The following USP15 variants were observed in gnomAD, a reference collection of about 807,000 sequenced individuals.
USP15 encodes the protein ubiquitin carboxyl-terminal hydrolase 15.
Under a neutral mutation model 127.1 loss-of-function variants are expected in USP15, and 18 were observed. The observed-to-expected ratio is 0.14, with a 90% CI of 0.10 to 0.21. USP15 has a LOEUF of 0.21. Ranked by LOEUF, USP15 falls within the 10% of genes least tolerant of loss-of-function variation. The pLI is 1.00. For synonymous variants in USP15, 364 were observed against 393.7 expected (o/e 0.92, Z 0.89); for missense variants, 805 against 1,159.9 (o/e 0.69, Z 4.44).
intron 8 of USP15, among the ~76,000 whole-genome samples, chr12:62,366,903 C>T (rs531651745): frequency 1.3e-5 from 2 of 152,306 alleles, no homozygotes; most frequent in Non-Finnish European, 2.9e-5. Context: ...ATGAAGCCGA[C>T]TTAATCATGG....
At chr12:62,273,141 C>A (rs556604222) in intron 1 of USP15, among the ~76,000 whole-genome samples, 1 of 145,510 alleles carries the variant, frequency 6.9e-6, no homozygotes, top group African/African-American at 2.8e-5. Flanking sequence ...TCCCAAAGTC[C>A]TTCTGGCCTT....
At chr12:62,314,107 G>C in intron 3 of USP15, 4 of 675,644 alleles carry the variant, frequency 5.9e-6, no homozygotes, top group Non-Finnish European at 7.3e-6. Context: ...TTTATGGCTT[G>C]CATGCTTAAC....
chr12:62,288,482 G>A (rs984080170), intron 1 of USP15, among the ~76,000 whole-genome samples: 2 of 151,244 alleles, frequency 1.3e-5, no homozygotes, highest in Non-Finnish European at 2.9e-5. Context: ...TACTGAGTTC[G>A]TTTCTCAAAG....
intron 6 of USP15, among the ~76,000 whole-genome samples, chr12:62,341,196 C>G (rs940552428): frequency 3.6e-5 from 5 of 137,756 alleles, no homozygotes; most frequent in Non-Finnish European, 7.9e-5. Flanking sequence ...AGTATTTCAA[C>G]CCCTGCTTTT....
chr12:62,326,211 A>G (rs2065116785), intron 6 of USP15, among the ~76,000 whole-genome samples: 1 of 152,172 alleles, frequency 6.6e-6, no homozygotes, highest in African/African-American at 2.4e-5. Context: ...AAATCATTAA[A>G]CATTTGTTTA....
intron 7 of USP15, among the ~76,000 whole-genome samples, chr12:62,349,662 G>A (rs573626929): frequency 6.6e-6 from 1 of 152,090 alleles, no homozygotes; most frequent in African/African-American, 2.4e-5. Context: ...TTTAAAAAGT[G>A]TGTATCAGTG....
At chr12:62,369,100 G>A (rs1460461031) in intron 8 of USP15, among the ~76,000 whole-genome samples, 1 of 152,066 alleles carries the variant, frequency 6.6e-6, no homozygotes, top group Non-Finnish European at 1.5e-5. Context: ...TAGTGAATGA[G>A]GTAGACATAT....
At chr12:62,311,529 G>C (rs1399547805) in intron 3 of USP15, among the ~76,000 whole-genome samples, 2 of 151,718 alleles carry the variant, frequency 1.3e-5, no homozygotes, top group Admixed American at 6.6e-5. Context: ...GGGTTGTTGT[G>C]TTCCGGTAAA....
intron 7 of USP15, among the ~76,000 whole-genome samples, chr12:62,353,775 G>T (rs143318817): frequency 6.6e-6 from 1 of 151,884 alleles, no homozygotes; most frequent in African/African-American, 2.4e-5. Flanking sequence ...GCTAATAGGC[G>T]CTTTGTACTT....
chr12:62,386,308 C>T (rs1467099762), intron 11 of USP15, among the ~76,000 whole-genome samples: 1 of 151,616 alleles, frequency 6.6e-6, no homozygotes, highest in Non-Finnish European at 1.5e-5. Context: ...TTGAGTTTTC[C>T]CGTCATTGAA....
intron 1 of USP15, among the ~76,000 whole-genome samples, chr12:62,284,030 A>T (rs984556039): frequency 6.6e-6 from 1 of 152,244 alleles, no homozygotes; most frequent in Non-Finnish European, 1.5e-5. Context: ...TAAAATTCAC[A>T]TAGAAAAACT....
intron 18 of USP15, among the ~76,000 whole-genome samples, 173 bp downstream of exon 18, chr12:62,392,560 AC>A (rs1419408835): frequency 1.3e-5 from 2 of 152,152 alleles, no homozygotes; most frequent in Non-Finnish European, 2.9e-5. Context: ...CTTAAAAAAT[AC>A]GATTACAGTG....
intron 5 of USP15, among the ~76,000 whole-genome samples, chr12:62,322,834 T>C (rs2065022577): frequency 6.6e-6 from 1 of 152,206 alleles, no homozygotes. Context: ...TTGTGGTTTA[T>C]ACTCAAGCAG....
chr12:62,402,643 GA>G, intron 21 of USP15, among the ~76,000 whole-genome samples: 1 of 152,178 alleles, frequency 6.6e-6, no homozygotes, highest in African/African-American at 2.4e-5. Flanking sequence ...TGACTCAAAG[GA>G]AAAGCTCTTA....
intron 8 of USP15, among the ~76,000 whole-genome samples, chr12:62,363,444 A>G (rs1367483695): frequency 2.0e-5 from 3 of 152,182 alleles, no homozygotes; most frequent in Admixed American, 6.5e-5. Context: ...GGGTCTGTGA[A>G]CTTGCAGTTT....
chr12:62,402,821 A>T (rs1164281459), intron 21 of USP15, among the ~76,000 whole-genome samples: 1 of 152,104 alleles, frequency 6.6e-6, no homozygotes, highest in Non-Finnish European at 1.5e-5. Context: ...CTCTGAGAAC[A>T]TCATAGAAGA....
At position 62,283,950 on chromosome 12, in the gene USP15, A is replaced by G. The variant is rs146224603; in HGVS notation, c.90-10229A>G. On this transcript the variant is annotated intron_variant, in intron 1 of 21. Transcript: ENST00000280377. ...GAGCGAGACCCTATCTCCAAAAAAC[A>G]AACAACAAATATTATTTCTATGCAT... 3.8e-3 allele frequency among the ~76,000 whole-genome samples: 575 copies of G among 151,896 alleles called. 5 individuals carry two copies. The highest frequency in any genetic ancestry group is 0.013 in the African/African-American group (538 of 41,174).
intron 1 of USP15, among the ~76,000 whole-genome samples, chr12:62,289,263 T>C (rs915437146): frequency 6.6e-6 from 1 of 151,478 alleles, no homozygotes; most frequent in African/African-American, 2.4e-5. Context: ...TTCATCTTAC[T>C]GATTTAATCT....
intron 1 of USP15, among the ~76,000 whole-genome samples, chr12:62,273,669 T>C (rs1230818448): frequency 6.6e-6 from 1 of 152,080 alleles, no homozygotes; most frequent in Non-Finnish European, 1.5e-5. Context: ...CACAGTTTAG[T>C]GTTTGCTACA....
Sources: allele counts gnomAD v4.1 joint callset (sites outside exome capture counted in the v4.1 genomes callset), GRCh38; gene constraint gnomAD v4.1.1; transcripts MANE v1.5; gene names NCBI Gene and HGNC (gene_info 2026-07-23, HGNC 2026-07-21).